AIRE: variants seen among roughly 807,000 people sequenced by gnomAD.
The protein encoded by AIRE is autoimmune polyendocrinopathy candidiasis ectodermal dystrophy protein.
AIRE carries 52 observed loss-of-function variants against 62.1 expected under a neutral mutation model. That is an observed-to-expected ratio of 0.84 (90% CI 0.67 to 1.06). The LOEUF is 1.06. Among genes scored for constraint, AIRE ranks in the 50% least tolerant of loss-of-function variants. The pLI, the probability that AIRE is intolerant of heterozygous loss-of-function variation, is 0.00. For synonymous variants in AIRE, 342 were observed against 321.6 expected (o/e 1.06, Z -0.68); for missense variants, 774 against 755.8 (o/e 1.02, Z -0.28).
rs766492913 is a variant in AIRE, at chr21:44,290,082, C to T, written c.879+14C>T. The T allele has an allele frequency of 2.5e-6, 4 of 1,609,534 alleles. No homozygotes were observed. In the Admixed American group the frequency reaches 5.0e-5, roughly 20 times the overall value. On this transcript the variant is annotated intron_variant, in intron 7 of 13. Transcript: ENST00000291582. ...CAGCTCCACCAGGTAATGCCCTAGA[C>T]CACAGGAGAGGCCCCTGTCTGCCCT...
Position 44,286,244 on chromosome 21 carries a change from C to A in AIRE, c.132+106C>A. 2 of 1,267,556 alleles carry A rather than the reference C, an allele frequency of 1.6e-6. No individual in the cohort carries two copies. Among genetic ancestry groups the A allele is most frequent in the South Asian group, 1.3e-5 (1 of 75,986 alleles). The allele number at this position is 1,267,556 out of a possible 1,614,324, so 78.5% of individuals were successfully genotyped here. A position where few individuals can be genotyped will look rare whatever the true frequency, so the allele number is the denominator to read the frequency against. The stretch of plus-strand genomic sequence containing the variant: ...GCCCCTCCAGATCCCCAAGCCCCTC[C>A]AGCCTTCCCCAACTCCCTCCCCACA... On this transcript the variant is annotated intron_variant, in intron 1 of 13. Transcript: ENST00000291582. This position sits in a 1 kb window ranked among gnomAD's most constrained non-coding sequence, Gnocchi z 6.0.
At chr21:44,293,710 G>C (rs1174822040) in intron 10 of AIRE, 79 bp from the exon 11 acceptor site, 10 of 1,585,374 alleles carry the variant, frequency 6.3e-6, no homozygotes, top group African/African-American at 4.0e-5. Flanking sequence ...TCCCAGGGGA[G>C]AGCGCACAGG....
intron 12 of AIRE, 85 bp from the exon 13 acceptor site, chr21:44,296,298 C>A: frequency 8.1e-7 from 1 of 1,231,280 alleles, no homozygotes. Context: ...GGGAAACACC[C>A]CCGCGGCCCC....
Position 44,289,532 on chromosome 21 carries a change from G to A in AIRE, c.653-125G>A, listed in dbSNP as rs537745896. ...CCAGACTCGACTGGGGTGGGGGCGG[G>A]CTGGAGGAATGCAGGCTGTGGGAAC... On this transcript the variant is annotated intron_variant, in intron 5 of 13. Coordinates refer to ENST00000291582, the MANE Select transcript of AIRE (RefSeq NM_000383.4). 150 of 1,375,808 alleles carry A rather than the reference G, an allele frequency of 1.1e-4. No individual in the cohort carries two copies. In the African/African-American group the frequency reaches 2.0e-3, roughly 18 times the overall value. The allele number at this position is 1,375,808 out of a possible 1,614,324, so 85.2% of individuals were successfully genotyped here.
In AIRE at chr21:44,288,751, G is replaced by C. The variant is rs180838238; in HGVS notation, c.652+293G>C. 11 of 386,684 alleles carry C rather than the reference G, an allele frequency of 2.8e-5. No homozygotes were observed. In the South Asian group the frequency reaches 3.1e-4, roughly 11 times the overall value. 24.0% of individuals were successfully genotyped at this position (386,684 alleles called of 1,614,324 possible). On this transcript the variant is annotated intron_variant, in intron 5 of 13. Transcript: ENST00000291582. ...TGCATGGGCCCTCCTGGGCCATGGG[G>C]TTGCATCCTTAGAAAGTTCTGCCTG...
intron 5 of AIRE, chr21:44,289,326 G>C (rs142441083): frequency 2.8e-6 from 1 of 356,540 alleles, no homozygotes; most frequent in South Asian, 4.1e-5. Context: ...TGTCTCCCAC[G>C]TGTCCTCTTT....
Position 44,286,246 on chromosome 21 carries a change from G to A in AIRE, c.132+108G>A. Reference sequence around the variant, plus strand: ...CCCTCCAGATCCCCAAGCCCCTCCAGCCTTCCCCAACTCCCTCCCCACAAG... The same window carrying A: ...CCCTCCAGATCCCCAAGCCCCTCCAACCTTCCCCAACTCCCTCCCCACAAG... On this transcript the variant is annotated intron_variant, in intron 1 of 13. Coordinates refer to ENST00000291582, the MANE Select transcript of AIRE (RefSeq NM_000383.4). The surrounding 1 kb of genome is among the most constrained non-coding windows in gnomAD (Gnocchi z 6.0). The A allele has an allele frequency of 8.5e-7, 1 of 1,180,992 alleles. No individual in the cohort carries two copies. The highest frequency in any genetic ancestry group is 1.2e-6 in the Non-Finnish European group (1 of 863,730). 73.2% of individuals were successfully genotyped at this position (1,180,992 alleles called of 1,614,324 possible). A position where few individuals can be genotyped will look rare whatever the true frequency, so the allele number is the denominator to read the frequency against.
intron 7 of AIRE, chr21:44,290,639 TG>T (rs1568928246): frequency 9.2e-7 from 1 of 1,088,892 alleles, no homozygotes; most frequent in Non-Finnish European, 1.2e-6. Context: ...CCTGGCTGTC[TG>T]GGGGGATTCT....
chr21:44,290,419 C>A (rs2040524481), intron 7 of AIRE: 2 of 985,280 alleles, frequency 2.0e-6, no homozygotes, highest in Non-Finnish European at 2.4e-6. Context: ...CTTTCGTCCC[C>A]AGCATGGTTT....
At chr21:44,293,941 A>AACCCAC (rs2040575432) in intron 11 of AIRE, 31 bp downstream of exon 11, 3 of 1,594,200 alleles carry the variant, frequency 1.9e-6, no homozygotes, top group Non-Finnish European at 2.5e-6. Context: ...GGGAGGCCTG[A>AACCCAC]ACCCACACCC....
Position 44,288,651 on chromosome 21 carries a change from C to T in AIRE, c.652+193C>T, listed in dbSNP as rs973964792. On this transcript the variant is annotated intron_variant, in intron 5 of 13. Transcript: ENST00000291582. ...CACTGAAGTCTCCCTGTCGGGGGAC[C>T]TTCTGCAAGGCCAGCGGTCCAGGCC... is the stretch of plus-strand genomic sequence containing the variant. The T allele has an allele frequency of 7.2e-5, 42 of 582,180 alleles. 1 individual carries two copies. The Middle Eastern group carries it at 1.8e-3, about 25-fold the overall frequency. The allele number at this position is 582,180 out of a possible 1,614,324, so 36.1% of individuals were successfully genotyped here.
intron 10 of AIRE, among the ~76,000 whole-genome samples, chr21:44,293,393 C>G (rs901942714): frequency 1.3e-5 from 2 of 152,084 alleles, no homozygotes; most frequent in Non-Finnish European, 2.9e-5. Context: ...ACTGCTCCCC[C>G]CACAAGGCAG....
intron 10 of AIRE, among the ~76,000 whole-genome samples, chr21:44,293,528 C>G (rs1402965429): frequency 6.6e-6 from 1 of 152,114 alleles, no homozygotes; most frequent in Non-Finnish European, 1.5e-5. Flanking sequence ...CAAAGGAGGC[C>G]AGGCCCGCCA....
rs1304366953 is a variant in AIRE at position 44,286,023 on chromosome 21, C to T, written c.17C>T (p.Ala6Val). The change falls in exon 1 of 14, where the codon GCG (alanine) becomes GTG (valine). Residue 6 changes from alanine to valine, a missense_variant. Ala to Val is a moderately conservative substitution (Grantham distance 64, BLOSUM62 0). Coordinates refer to ENST00000291582, the MANE Select transcript of AIRE (RefSeq NM_000383.4). The surrounding 1 kb of genome is among the most constrained non-coding windows in gnomAD (Gnocchi z 6.0). Reference sequence around the variant, plus strand: ...GCCCACCCCATGGCGACGGACGCGGCGCTACGCCGGCTTCTGAGGCTGCAC... The same window carrying T: ...GCCCACCCCATGGCGACGGACGCGGTGCTACGCCGGCTTCTGAGGCTGCAC... MATDAALRRLLRLHRT... is the reference protein window; with the variant it reads MATDAVLRRLLRLHRT... 2 of 1,533,688 alleles carry T rather than the reference C, an allele frequency of 1.3e-6. No homozygotes were observed. The highest frequency in any genetic ancestry group is 1.7e-6 in the Non-Finnish European group (2 of 1,144,746).
intron 10 of AIRE, 106 bp downstream of exon 10, chr21:44,293,281 C>A: frequency 2.6e-6 from 3 of 1,171,462 alleles, no homozygotes; most frequent in Non-Finnish European, 3.4e-6. Flanking sequence ...GCGAGAAAGG[C>A]TCCGGGAGGC....
chr21:44,293,952 A>G (rs2040575679), intron 11 of AIRE, 42 bp downstream of exon 11: 1 of 1,588,054 alleles, frequency 6.3e-7, no homozygotes, highest in African/African-American at 1.4e-5. Flanking sequence ...ACCCACACCC[A>G]CACCCTACAC....
chr21:44,294,051 C>G (rs1163778417), intron 11 of AIRE, 141 bp downstream of exon 11: 1 of 1,171,018 alleles, frequency 8.5e-7, no homozygotes, highest in East Asian at 2.6e-5. Flanking sequence ...GCACCCCACC[C>G]CACACCCATG....
chr21:44,286,818 G>A lies in AIRE; in HGVS notation c.307+87G>A, dbSNP rs933971912. The A allele has an allele frequency of 2.5e-6, 4 of 1,575,014 alleles. No individual in the cohort carries two copies. The highest frequency in any genetic ancestry group is 3.4e-5 in the Admixed American group (2 of 59,426). On this transcript the variant is annotated intron_variant, in intron 2 of 13. Coordinates refer to ENST00000291582, the MANE Select transcript of AIRE (RefSeq NM_000383.4). The surrounding 1 kb of genome is among the most constrained non-coding windows in gnomAD (Gnocchi z 6.0). Reference sequence around the variant, plus strand: ...CCAGCTGGACTGGAACCGGAGTGGTGTTTGAGGAGCCCGTGGGTGATGTTC... The same window carrying A: ...CCAGCTGGACTGGAACCGGAGTGGTATTTGAGGAGCCCGTGGGTGATGTTC...
At position 44,286,203 on chromosome 21, in the gene AIRE, GT is replaced by G; in HGVS notation, c.132+67del. 1 of 1,441,274 alleles carries G rather than the reference GT, an allele frequency of 6.9e-7. No individual in the cohort carries two copies. The highest frequency in any genetic ancestry group is 1.5e-5 in the African/African-American group (1 of 68,332). 89.3% of individuals were successfully genotyped at this position (1,441,274 alleles called of 1,614,324 possible). ...TGAGCCAGGGATAGTCCCCGGGGAA[GT>G]TCCAGGAGGACCCCGCCCCTCCAGA... is the stretch of plus-strand genomic sequence containing the variant. On this transcript the variant is annotated intron_variant, in intron 1 of 13. Coordinates refer to ENST00000291582, the MANE Select transcript of AIRE (RefSeq NM_000383.4). This position sits in a 1 kb window ranked among gnomAD's most constrained non-coding sequence, Gnocchi z 6.0.
Sources: allele counts gnomAD v4.1 joint callset (sites outside exome capture counted in the v4.1 genomes callset), GRCh38; gene constraint gnomAD v4.1.1; non-coding constraint Gnocchi (gnomAD v3.1); transcripts MANE v1.5; gene names NCBI Gene and HGNC (gene_info 2026-07-23, HGNC 2026-07-21).